Variants in SMAD1 observed in about 807,000 individuals in gnomAD.
SMAD1 encodes SMAD family member 1, also known as MAD, mothers against decapentaplegic homolog 1.
Under a neutral mutation model 41.6 loss-of-function variants are expected in SMAD1, and 6 were observed. The ratio of observed to expected loss-of-function variants is 0.14; its 90% CI spans 0.08 to 0.28. The LOEUF is 0.28. SMAD1 is among the 10% of genes least tolerant of loss of function. The probability of loss-of-function intolerance (pLI) is 1.00; values close to 1 mark genes in which losing one functional copy is unlikely to be tolerated. For missense variants in SMAD1, 379 were observed against 582.6 expected (o/e 0.65, Z 3.60); for synonymous variants, 206 against 203.2 (o/e 1.01, Z -0.12).
rs1477237125 is a variant in SMAD1 at position 145,558,869 on chromosome 4, G to A, written c.*935G>A. On this transcript the variant is annotated 3_prime_UTR_variant, in exon 7 of 7. Coordinates refer to ENST00000302085, the MANE Select transcript of SMAD1 (RefSeq NM_005900.3). ...CATGTTTCAATACCAGTTATATGGA[G>A]TGCTTGAATTTAATAAGCAGTTTTT... Among the ~76,000 whole-genome samples the A allele has an allele frequency of 6.6e-6, 1 of 152,134 alleles. No individual in the cohort carries two copies. Among genetic ancestry groups the A allele is most frequent in the African/African-American group, 2.4e-5 (1 of 41,438 alleles).
intron 3 of SMAD1, among the ~76,000 whole-genome samples, chr4:145,541,953 T>C (rs1012834141): frequency 6.6e-6 from 1 of 152,236 alleles, no homozygotes; most frequent in African/African-American, 2.4e-5. Flanking sequence ...AAGAAACATA[T>C]ATGTAAATTC....
At position 145,481,922 on chromosome 4, in the gene SMAD1, G is replaced by C. The variant is rs1389369113; in HGVS notation, c.-293G>C. On this transcript the variant is annotated 5_prime_UTR_variant, in exon 1 of 7. Coordinates refer to ENST00000302085, the MANE Select transcript of SMAD1 (RefSeq NM_005900.3). ...AAGGAGAGGCCGAGCGGCTCAACCC[G>C]GGCCGAGGCTCGGGGAGCGGAGAGT... The C allele has an allele frequency of 1.3e-5, 2 of 152,620 alleles. No homozygotes were observed. Among genetic ancestry groups the C allele is most frequent in the Non-Finnish European group, 2.9e-5 (2 of 68,394 alleles). The allele number at this position is 152,620 out of a possible 1,614,324, so 9.5% of individuals were successfully genotyped here. A position where few individuals can be genotyped will look rare whatever the true frequency, so the allele number is the denominator to read the frequency against.
chr4:145,486,911 C>T (rs563039201), intron 1 of SMAD1, among the ~76,000 whole-genome samples: 5 of 152,178 alleles, frequency 3.3e-5, no homozygotes, highest in East Asian at 1.9e-4. Context: ...CTCCCTACCA[C>T]GCTCACGATA....
rs769957703 is a variant in SMAD1, at chr4:145,559,167, T to A, written c.*1233T>A. 6.6e-6 allele frequency among the ~76,000 whole-genome samples: 1 copy of A among 152,184 alleles called. No individual in the cohort carries two copies. Among genetic ancestry groups the A allele is most frequent in the Non-Finnish European group, 1.5e-5 (1 of 68,040 alleles). ...ATAAACCTGTCATTATTGCTTACTT[T>A]GATTAAAAATTTGTCATTTCCTTTA... On this transcript the variant is annotated 3_prime_UTR_variant, in exon 7 of 7. Transcript: ENST00000302085.
chr4:145,500,276 A>G (rs920734418), intron 1 of SMAD1, among the ~76,000 whole-genome samples: 1 of 152,090 alleles, frequency 6.6e-6, no homozygotes, highest in African/African-American at 2.4e-5. Flanking sequence ...TCCTCTGCTC[A>G]GATCTCCCAG....
chr4:145,555,494 G>T (rs535381663), intron 6 of SMAD1, among the ~76,000 whole-genome samples: 1 of 152,220 alleles, frequency 6.6e-6, no homozygotes, highest in South Asian at 2.1e-4. Flanking sequence ...GAGAACTGTG[G>T]TAATTATTAC....
chr4:145,525,325 A>G (rs570856365), intron 2 of SMAD1, among the ~76,000 whole-genome samples: 22 of 152,320 alleles, frequency 1.4e-4, no homozygotes, highest in Middle Eastern at 3.4e-3. Context: ...CAGATCATCA[A>G]ACCTCTGCCC....
intron 1 of SMAD1, among the ~76,000 whole-genome samples, chr4:145,500,418 T>C (rs1317911946): frequency 6.6e-6 from 1 of 152,128 alleles, no homozygotes; most frequent in Non-Finnish European, 1.5e-5. Context: ...TGAGGACTCC[T>C]TGCCATTCCT....
chr4:145,497,025 A>T (rs1034752241), intron 1 of SMAD1: 8 of 152,240 alleles, frequency 5.3e-5, no homozygotes, highest in Non-Finnish European at 1.2e-4. Context: ...ATCCATTTAC[A>T]GATTTTCCAC....
chr4:145,547,382 C>T (rs1732306326), intron 5 of SMAD1, among the ~76,000 whole-genome samples: 1 of 152,144 alleles, frequency 6.6e-6, no homozygotes, highest in Non-Finnish European at 1.5e-5. Flanking sequence ...CCCACAGGGA[C>T]ACCAAATTGA....
chr4:145,511,529 A>G (rs1218435726), intron 1 of SMAD1, among the ~76,000 whole-genome samples: 6 of 152,174 alleles, frequency 3.9e-5, no homozygotes, highest in African/African-American at 1.4e-4. Context: ...GGCTTCCCAG[A>G]GTGCTGGGAT....
At chr4:145,488,343 TAA>T (rs1210810939) in intron 1 of SMAD1, among the ~76,000 whole-genome samples, 3 of 152,010 alleles carry the variant, frequency 2.0e-5, no homozygotes, top group African/African-American at 7.3e-5. Flanking sequence ...TTTTTATACA[TAA>T]GTTTTAATGC....
chr4:145,547,725 C>T (rs911734316), intron 5 of SMAD1, among the ~76,000 whole-genome samples: 1 of 152,012 alleles, frequency 6.6e-6, no homozygotes, highest in Non-Finnish European at 1.5e-5. Flanking sequence ...CATATAAATG[C>T]GGAGGGGAGC....
chr4:145,545,052 C>T (rs778154005), intron 4 of SMAD1: 7 of 151,714 alleles, frequency 4.6e-5, no homozygotes, highest in African/African-American at 7.3e-5. Flanking sequence ...TTCTTCCCCC[C>T]GCTTTTTTTT....
chr4:145,509,088 C>T (rs1014632304), intron 1 of SMAD1, among the ~76,000 whole-genome samples: 1 of 152,208 alleles, frequency 6.6e-6, no homozygotes, highest in Non-Finnish European at 1.5e-5. Context: ...ATGCACAGCA[C>T]ATGGGCCTCT....
At chr4:145,500,854 A>G (rs1051292083) in intron 1 of SMAD1, among the ~76,000 whole-genome samples, 12 of 152,202 alleles carry the variant, frequency 7.9e-5, no homozygotes, top group Admixed American at 2.6e-4. Context: ...TTTGTTTTTC[A>G]GCATGTTATA....
At chr4:145,546,962 G>T in intron 5 of SMAD1, 38 bp downstream of exon 5, 1 of 1,484,522 alleles carries the variant, frequency 6.7e-7, no homozygotes, top group Non-Finnish European at 9.4e-7. Flanking sequence ...ATGTTTATCT[G>T]TTGTGTCCCT....
intron 1 of SMAD1, among the ~76,000 whole-genome samples, chr4:145,512,254 G>A (rs771874086): frequency 9.9e-5 from 15 of 152,166 alleles, no homozygotes; most frequent in Admixed American, 3.3e-4. Flanking sequence ...CTTGGAAGGT[G>A]TAGGGCTTCG....
At position 145,546,706 on chromosome 4, in the gene SMAD1, T is replaced by A; in HGVS notation, c.779T>A (p.Val260Asp). 1 of 1,611,068 alleles carries A rather than the reference T, an allele frequency of 6.2e-7. No individual in the cohort carries two copies. The part of the protein sequence containing the change: ...PLPSEINRGD[V>D]QAVAYEEPKH... Reference sequence around the variant, plus strand: ...TATAACATTTTCTTTCCTCTAGATGTTCAGGCGGTTGCTTATGAGGAACCA... The same window carrying A: ...TATAACATTTTCTTTCCTCTAGATGATCAGGCGGTTGCTTATGAGGAACCA... The change falls in exon 5 of 7, where the codon GTT (valine) becomes GAT (aspartate). Residue 260 changes from valine (V) to aspartate (D), a missense_variant. Val to Asp is a radical substitution (Grantham distance 152, BLOSUM62 -3). Around this residue, in one of 3 missense-constraint regions of SMAD1, gnomAD observed 208 missense variants for 210.5 expected, o/e 0.99. Transcript: ENST00000302085.
Sources: gnomAD v4.1 joint callset for allele counts (sites outside exome capture counted in the v4.1 genomes callset) on GRCh38, gnomAD v4.1.1 for gene constraint, gnomAD v4.1.1 regional missense constraint, MANE v1.5 for transcripts, NCBI Gene and HGNC (gene_info 2026-07-23, HGNC 2026-07-21) for gene names.